The following DPYD variants were observed in gnomAD, a reference collection of about 807,000 sequenced individuals.
The protein encoded by DPYD is dihydropyrimidine dehydrogenase.
A neutral mutation model predicts 116.2 loss-of-function variants in DPYD; 109 were observed. That is an observed-to-expected ratio of 0.94 (90% confidence interval 0.80 to 1.10). DPYD has a LOEUF of 1.10. DPYD is among the 50% of genes least tolerant of loss of function. The pLI, the probability that DPYD is intolerant of heterozygous loss-of-function variation, is 0.00. For missense variants in DPYD, 1,302 were observed against 1,254.5 expected, an observed-to-expected ratio of 1.04 and a Z score of -0.57; for synonymous variants, 440 against 432.0, an observed-to-expected ratio of 1.02 and a Z score of -0.23.
At chr1:97,574,572 T>C (rs1653136460) in intron 10 of DPYD, among the ~76,000 whole-genome samples, 1 of 152,174 alleles carries the variant, frequency 6.6e-6, no homozygotes, top group Non-Finnish European at 1.5e-5. Context: ...GTCCTCCTGA[T>C]GAATGCCCAG....
At chr1:97,700,208 G>C (rs1270065277) in intron 5 of DPYD, 1 of 455,804 alleles carries the variant, frequency 2.2e-6, no homozygotes, top group South Asian at 1.6e-5. Context: ...GGAAGGCTAA[G>C]CATCTTGAAG....
chr1:97,728,337 G>A (rs1030272048), intron 4 of DPYD, among the ~76,000 whole-genome samples: 9 of 151,988 alleles, frequency 5.9e-5, no homozygotes, highest in East Asian at 1.9e-4. Flanking sequence ...CCACTTAGGT[G>A]AGTTAATTTT....
chr1:97,737,036 T>A (rs758771004), intron 4 of DPYD, among the ~76,000 whole-genome samples: 4 of 152,120 alleles, frequency 2.6e-5, no homozygotes, highest in Admixed American at 6.5e-5. Flanking sequence ...TTTGCCCAAC[T>A]CTCCAAACCG....
intron 8 of DPYD, among the ~76,000 whole-genome samples, chr1:97,603,831 T>C (rs1244383683): frequency 6.6e-6 from 1 of 152,174 alleles, no homozygotes; most frequent in Non-Finnish European, 1.5e-5. Context: ...ATGTAATAAT[T>C]GTTAACATAT....
chr1:97,275,279 C>T (rs369819061), intron 18 of DPYD, among the ~76,000 whole-genome samples: 1 of 152,188 alleles, frequency 6.6e-6, no homozygotes, highest in South Asian at 2.1e-4. Flanking sequence ...GTTATCTCTC[C>T]CACAAAGTCT....
intron 16 of DPYD, among the ~76,000 whole-genome samples, chr1:97,312,683 T>C (rs139796963): frequency 1.4e-3 from 216 of 151,966 alleles, no homozygotes; most frequent in African/African-American, 5.1e-3. Context: ...TTTTAAAATA[T>C]AAATATGTAC....
chr1:97,806,208 A>G (rs1319683996), intron 3 of DPYD, among the ~76,000 whole-genome samples: 1 of 151,958 alleles, frequency 6.6e-6, no homozygotes, highest in Non-Finnish European at 1.5e-5. Flanking sequence ...AAGTTTCAAA[A>G]TATAATCTTA....
At chr1:97,366,930 T>C (rs1446134421) in intron 16 of DPYD, among the ~76,000 whole-genome samples, 2 of 152,048 alleles carry the variant, frequency 1.3e-5, no homozygotes, top group Non-Finnish European at 2.9e-5. Flanking sequence ...CTGGGAAATA[T>C]GGAAAATACT....
chr1:97,279,700 G>C (rs1226417519), intron 18 of DPYD, among the ~76,000 whole-genome samples: 1 of 152,094 alleles, frequency 6.6e-6, no homozygotes, highest in Non-Finnish European at 1.5e-5. Context: ...AGTAGAGATG[G>C]GGTTTCACCA....
intron 1 of DPYD, among the ~76,000 whole-genome samples, chr1:97,894,856 G>A (rs1233355419): frequency 6.6e-6 from 1 of 151,410 alleles, no homozygotes; most frequent in African/African-American, 2.4e-5. Context: ...ATATAATGTG[G>A]CAAAGCATCC....
At chr1:97,754,833 G>T (rs912946635) in intron 3 of DPYD, among the ~76,000 whole-genome samples, 4 of 152,172 alleles carry the variant, frequency 2.6e-5, no homozygotes, top group African/African-American at 4.8e-5. Context: ...CCCTAGTTCA[G>T]AGGTACATTC....
In DPYD at chr1:97,789,782, G is replaced by A. The variant is rs577036009; in HGVS notation, c.233+38332C>T. ...TTAGATATACCTCCTGAAAGACTCC[G>A]TGTCCACAAATCACTCAGCTCCCTT... On this transcript the variant is annotated intron_variant, in intron 3 of 22. Transcript: ENST00000370192. 7.2e-5 allele frequency among the ~76,000 whole-genome samples: 11 copies of A among 152,178 alleles called. No homozygotes were observed. The East Asian group carries it at 7.7e-4, about 11-fold the overall frequency.
chr1:97,859,114 T>C (rs1242087501), intron 2 of DPYD, among the ~76,000 whole-genome samples: 1 of 152,184 alleles, frequency 6.6e-6, no homozygotes, highest in East Asian at 1.9e-4. Flanking sequence ...TTCTGTGTTA[T>C]GTTTTATTCT....
At chr1:97,303,956 A>G (rs1404544151) in intron 18 of DPYD, among the ~76,000 whole-genome samples, 2 of 152,052 alleles carry the variant, frequency 1.3e-5, no homozygotes, top group African/African-American at 4.8e-5. Flanking sequence ...CTGCAACACA[A>G]AAGACTTTTT....
chr1:97,594,152 A>C (rs935278251), intron 9 of DPYD, among the ~76,000 whole-genome samples: 56 of 152,308 alleles, frequency 3.7e-4, no homozygotes, highest in African/African-American at 1.3e-3. Context: ...TATAAGATCA[A>C]TTACTATAAT....
At chr1:97,829,718 C>T (rs931914258) in intron 2 of DPYD, among the ~76,000 whole-genome samples, 2 of 151,936 alleles carry the variant, frequency 1.3e-5, no homozygotes, top group African/African-American at 2.4e-5. Flanking sequence ...TCAGCTTCCT[C>T]CTCTTTGCCA....
chr1:97,624,691 A>G (rs1571080677), intron 8 of DPYD, among the ~76,000 whole-genome samples: 1 of 152,074 alleles, frequency 6.6e-6, no homozygotes, highest in South Asian at 2.1e-4. Context: ...ACTATTCACA[A>G]TAGCTAAACT....
At chr1:97,677,257 C>A (rs1048936579) in intron 8 of DPYD, among the ~76,000 whole-genome samples, 2 of 151,994 alleles carry the variant, frequency 1.3e-5, no homozygotes, top group African/African-American at 4.8e-5. Context: ...TCCTTCAGTA[C>A]AAAGATTCTT....
intron 16 of DPYD, among the ~76,000 whole-genome samples, chr1:97,353,858 G>A (rs1670277703): frequency 6.6e-6 from 1 of 152,122 alleles, no homozygotes; most frequent in African/African-American, 2.4e-5. Flanking sequence ...TAATTTCTGT[G>A]ATTGATAAAG....
Sources: allele counts gnomAD v4.1 joint callset (sites outside exome capture counted in the v4.1 genomes callset), GRCh38; gene constraint gnomAD v4.1.1; transcripts MANE v1.5; gene names NCBI Gene and HGNC (gene_info 2026-07-23, HGNC 2026-07-21).